TPO: variants seen among roughly 807,000 people sequenced by gnomAD.
TPO encodes the protein thyroid microsomal antigen.
A neutral mutation model predicts 96.9 loss-of-function variants in TPO; 78 were observed. The observed-to-expected ratio is 0.81, with a 90% CI of 0.67 to 0.97. The LOEUF (loss-of-function observed/expected upper bound fraction) is 0.97, where lower values mean the gene tolerates loss of function less well. Among genes scored for constraint, TPO ranks in the 50% least tolerant of loss-of-function variants. TPO has a pLI of 0.00. For missense variants in TPO, 1,252 were observed against 1,274.8 expected, an observed-to-expected ratio of 0.98 and a Z score of 0.27; for synonymous variants, 547 against 538.0, an observed-to-expected ratio of 1.02 and a Z score of -0.23.
At chr2:1,471,962 C>T (rs1669464074) in intron 7 of TPO, among the ~76,000 whole-genome samples, 1 of 148,844 alleles carries the variant, frequency 6.7e-6, no homozygotes, top group African/African-American at 2.5e-5. Context: ...CATGCCCTTC[C>T]CATGATCTGA....
intron 7 of TPO, among the ~76,000 whole-genome samples, chr2:1,459,101 T>C (rs569560981): frequency 2.4e-4 from 37 of 152,258 alleles, no homozygotes; most frequent in South Asian, 4.1e-4. Flanking sequence ...TATAGGTAGA[T>C]TTTTAATTTT....
intron 7 of TPO, among the ~76,000 whole-genome samples, chr2:1,463,237 C>T (rs1558316319): frequency 1.3e-5 from 2 of 152,088 alleles, no homozygotes; most frequent in African/African-American, 4.8e-5. Context: ...TTATTCAGAT[C>T]CTGTCCATCC....
At chr2:1,442,108 G>A (rs561587805) in intron 5 of TPO, among the ~76,000 whole-genome samples, 2 of 152,142 alleles carry the variant, frequency 1.3e-5, no homozygotes, top group Non-Finnish European at 2.9e-5. Context: ...GCTCCTCCTT[G>A]CCTTCCACCA....
At chr2:1,426,866 T>C (rs1413816719) in intron 3 of TPO, among the ~76,000 whole-genome samples, 2 of 152,346 alleles carry the variant, frequency 1.3e-5, no homozygotes, top group East Asian at 1.9e-4. Flanking sequence ...ATAACTTTTC[T>C]AAATAATAAT....
At chr2:1,513,214 C>T (rs1350183960) in intron 14 of TPO, among the ~76,000 whole-genome samples, 1 of 152,250 alleles carries the variant, frequency 6.6e-6, no homozygotes, top group Non-Finnish European at 1.5e-5. Flanking sequence ...GAAACCCAAG[C>T]CTGCCTGCAT....
At chr2:1,376,492 C>T (rs985536343) in intron 1 of TPO, among the ~76,000 whole-genome samples, 3 of 152,202 alleles carry the variant, frequency 2.0e-5, no homozygotes, top group Non-Finnish European at 2.9e-5. Context: ...TGAAGTGAGG[C>T]GTGGTCTCAA....
At chr2:1,433,013 T>G (rs991853803) in intron 3 of TPO, among the ~76,000 whole-genome samples, 6 of 152,334 alleles carry the variant, frequency 3.9e-5, no homozygotes, top group African/African-American at 1.4e-4. Flanking sequence ...AAGTTGGAGC[T>G]GGGACACATG....
At chr2:1,534,218 T>C (rs113594834) in intron 15 of TPO, among the ~76,000 whole-genome samples, 424 of 33,206 alleles carry the variant, frequency 0.013, no homozygotes, top group Non-Finnish European at 0.015. Context: ...TCTCCCCCAC[T>C]GTGTGCAACC....
intron 15 of TPO, among the ~76,000 whole-genome samples, 165 bp from the exon 16 acceptor site, chr2:1,540,429 T>TAC (rs1680600299): frequency 7.2e-6 from 1 of 139,232 alleles, no homozygotes; most frequent in Admixed American, 7.3e-5. Flanking sequence ...TTCCAAAATA[T>TAC]ATCAGATTAT....
chr2:1,479,757 G>GTCCTCCTCC (rs1207715244), intron 8 of TPO, among the ~76,000 whole-genome samples: 1 of 148,034 alleles, frequency 6.8e-6, no homozygotes, highest in South Asian at 2.2e-4. Flanking sequence ...CCTCCTCCTC[G>GTCCTCCTCC]TCCTCCTCCT....
intron 15 of TPO, among the ~76,000 whole-genome samples, chr2:1,534,919 CT>C (rs111385371): frequency 0.35 from 1,996 of 5,638 alleles, 260 homozygotes; most frequent in Middle Eastern, 0.5. Context: ...CCCCAAATCC[CT>C]CCCCAATGTG....
chr2:1,517,417 C>T (rs924314573), intron 15 of TPO, among the ~76,000 whole-genome samples: 11 of 152,186 alleles, frequency 7.2e-5, no homozygotes, highest in African/African-American at 2.2e-4. Flanking sequence ...TTAAAAATGG[C>T]GCTGCTGTTG....
chr2:1,430,547 G>A (rs893138056), intron 3 of TPO, among the ~76,000 whole-genome samples: 15 of 152,188 alleles, frequency 9.9e-5, no homozygotes, highest in South Asian at 2.1e-4. Context: ...GGGGGCCATC[G>A]CCCTGCAGAC....
chr2:1,429,875 G>A (rs958489510), intron 3 of TPO, among the ~76,000 whole-genome samples: 9 of 152,202 alleles, frequency 5.9e-5, no homozygotes, highest in African/African-American at 1.9e-4. Context: ...GCAAAGAAAT[G>A]ATTTGTATTT....
At chr2:1,396,813 C>A (rs996767571) in intron 1 of TPO, among the ~76,000 whole-genome samples, 1 of 152,152 alleles carries the variant, frequency 6.6e-6, no homozygotes, top group Non-Finnish European at 1.5e-5. Flanking sequence ...CAAATGAATC[C>A]ATCCTTGCTC....
chr2:1,462,247 C>T (rs147095326), intron 7 of TPO, among the ~76,000 whole-genome samples: 226 of 152,106 alleles, frequency 1.5e-3, no homozygotes, highest in African/African-American at 5.1e-3. Context: ...CCATCTCAGG[C>T]GGGGAGCCTG....
intron 1 of TPO, among the ~76,000 whole-genome samples, chr2:1,382,497 T>G (rs1338348258): frequency 6.6e-6 from 1 of 152,074 alleles, no homozygotes; most frequent in Non-Finnish European, 1.5e-5. Context: ...TGATGAGAAA[T>G]ATCATCTTGT....
chr2:1,396,880 T>C (rs1662089813), intron 1 of TPO, among the ~76,000 whole-genome samples: 1 of 152,248 alleles, frequency 6.6e-6, no homozygotes, highest in African/African-American at 2.4e-5. Flanking sequence ...GTTTAATAGA[T>C]GCGTTAAATA....
At chr2:1,387,838 G>A (rs1661927211) in intron 1 of TPO, among the ~76,000 whole-genome samples, 1 of 152,146 alleles carries the variant, frequency 6.6e-6, no homozygotes, top group Non-Finnish European at 1.5e-5. Flanking sequence ...CATCTTTGTG[G>A]TTTTATCTAC....
Sources: gnomAD v4.1 joint callset for allele counts (sites outside exome capture counted in the v4.1 genomes callset) on GRCh38, gnomAD v4.1.1 for gene constraint, MANE v1.5 for transcripts, NCBI Gene and HGNC (gene_info 2026-07-23, HGNC 2026-07-21) for gene names.